The following CR1 variants were observed in gnomAD, a reference collection of about 807,000 sequenced individuals.
CR1 encodes the protein complement C3b/C4b receptor 1 (Knops blood group).
A neutral mutation model predicts 187.3 loss-of-function variants in CR1; 116 were observed. The observed-to-expected ratio is 0.62, with a 90% confidence interval of 0.53 to 0.72. CR1 has a LOEUF of 0.72. CR1 is among the 30% of genes least tolerant of loss of function. The pLI is 0.00. For missense variants in CR1, 1,731 were observed against 2,110.7 expected (o/e 0.82, Z 3.52); for synonymous variants, 576 against 747.1 (o/e 0.77, Z 3.73).
chr1:207,521,656 A>G (rs1659998269), intron 4 of CR1, among the ~76,000 whole-genome samples: 1 of 97,068 alleles, frequency 1.0e-5, no homozygotes, highest in Non-Finnish European at 1.9e-5. Context: ...TTTTTGAGAC[A>G]GGGTCTCACT....
intron 41 of CR1, among the ~76,000 whole-genome samples, 178 bp downstream of exon 41, chr1:207,616,980 G>T (rs902396011): frequency 2.6e-5 from 4 of 152,190 alleles, no homozygotes; most frequent in African/African-American, 9.7e-5. Flanking sequence ...TGTCTCAATT[G>T]TTGGTATTCT....
chr1:207,578,644 T>A (rs1393371124), intron 29 of CR1, among the ~76,000 whole-genome samples: 1 of 152,254 alleles, frequency 6.6e-6, no homozygotes, highest in Non-Finnish European at 1.5e-5. Flanking sequence ...TTAAATAAAT[T>A]AGCTAAGTCA....
Position 207,609,602 on chromosome 1 carries a change from A to G in CR1, c.6209A>G (p.Gln2070Arg). The part of the protein sequence containing the change: ...TLTEIIRFRC[Q>R]PGFVMVGSHT... ...ACTGAGATCATCAGATTTAGATGTC[A>G]GCCCGGGTTTGTCATGGTAGGGTCC... The change falls in exon 37 of 47, where the codon CAG (glutamine) becomes CGG (arginine). Residue 2070 changes from glutamine to arginine, a missense_variant. Coordinates refer to ENST00000367049, the MANE Select transcript of CR1 (RefSeq NM_000651.6). The G allele has an allele frequency of 6.2e-7, 1 of 1,613,044 alleles. No individual in the cohort carries two copies. The highest frequency in any genetic ancestry group is 8.5e-7 in the Non-Finnish European group (1 of 1,179,484).
At chr1:207,596,783 G>A (rs1031486926) in intron 35 of CR1, among the ~76,000 whole-genome samples, 2 of 147,302 alleles carry the variant, frequency 1.4e-5, no homozygotes, top group East Asian at 3.9e-4. Flanking sequence ...GGTTTCATAA[G>A]TATATATATA....
intron 36 of CR1, among the ~76,000 whole-genome samples, chr1:207,608,164 C>A (rs1661806748): frequency 6.6e-6 from 1 of 152,130 alleles, no homozygotes; most frequent in African/African-American, 2.4e-5. Flanking sequence ...CCTAAATGTT[C>A]AGCATGGTTT....
chr1:207,618,280 T>A (rs755227376), intron 42 of CR1, 33 bp downstream of exon 42: 2 of 1,593,794 alleles, frequency 1.3e-6, no homozygotes, highest in East Asian at 4.5e-5. Context: ...TTATTCTTGC[T>A]GGGTTGTATG....
chr1:207,510,362 G>C (rs1470297808), intron 3 of CR1, among the ~76,000 whole-genome samples: 2 of 152,112 alleles, frequency 1.3e-5, no homozygotes, highest in Non-Finnish European at 2.9e-5. Context: ...ATCTTCATTT[G>C]TCACTGTTTT....
At chr1:207,590,641 C>T (rs888466101) in intron 35 of CR1, among the ~76,000 whole-genome samples, 19 of 152,218 alleles carry the variant, frequency 1.2e-4, no homozygotes, top group African/African-American at 3.4e-4. Context: ...TGGCTAAATG[C>T]CCCCAGTTAA....
chr1:207,607,586 T>C (rs1661789646), intron 36 of CR1, among the ~76,000 whole-genome samples: 1 of 152,066 alleles, frequency 6.6e-6, no homozygotes, highest in Admixed American at 6.6e-5. Flanking sequence ...GTATAGAGAG[T>C]GTTGTCCTTA....
intron 33 of CR1, among the ~76,000 whole-genome samples, chr1:207,586,326 G>A (rs1001189558): frequency 6.6e-5 from 10 of 152,222 alleles, no homozygotes; most frequent in South Asian, 6.2e-4. Context: ...TATGTAGACC[G>A]GTTTTCATCA....
At chr1:207,588,492 C>G (rs1661176566) in intron 34 of CR1, among the ~76,000 whole-genome samples, 183 bp from the exon 35 acceptor site, 1 of 152,270 alleles carries the variant, frequency 6.6e-6, no homozygotes, top group Admixed American at 6.5e-5. Flanking sequence ...GCAAGATAGT[C>G]TTTTTCAAAG....
rs369023282 is a variant in CR1 at position 207,611,706 on chromosome 1, G to A, written c.6325G>A (p.Gly2109Ser). The A allele has an allele frequency of 8.1e-5, 131 of 1,613,784 alleles. No individual in the cohort carries two copies. The highest frequency in any genetic ancestry group is 1.1e-4 in the Non-Finnish European group (124 of 1,179,858). ...VCQPPPEILH[G>S]EHTLSHQDNF... Reference sequence around the variant, plus strand: ...TCAGCCGCCTCCAGAAATCCTGCATGGTGAGCATACCCTAAGCCATCAGGA... The same window carrying A: ...TCAGCCGCCTCCAGAAATCCTGCATAGTGAGCATACCCTAAGCCATCAGGA... Residue 2109 changes from glycine (G) to serine (S), a missense_variant, in exon 38 of 47, where the codon GGT (glycine) becomes AGT (serine). Coordinates refer to ENST00000367049, the MANE Select transcript of CR1 (RefSeq NM_000651.6).
chr1:207,507,034 T>G, intron 3 of CR1: 1 of 459,878 alleles, frequency 2.2e-6, no homozygotes. Context: ...AGAGCATATA[T>G]GAAAAGTGTG....
At chr1:207,496,499 A>AGGCAGCGCGATG (rs1216257076) in intron 1 of CR1, 111 bp downstream of exon 1, 2 of 1,166,084 alleles carry the variant, frequency 1.7e-6, no homozygotes, top group Non-Finnish European at 2.3e-6. Flanking sequence ...CCGGGTCCGA[A>AGGCAGCGCGATG]GGCAGCGCGA....
intron 35 of CR1, among the ~76,000 whole-genome samples, chr1:207,597,747 A>G (rs1364373629): frequency 6.6e-6 from 1 of 152,234 alleles, no homozygotes; most frequent in East Asian, 1.9e-4. Context: ...GCTCCTAGGC[A>G]TATACCTAAA....
At chr1:207,573,087 G>A (rs1351547585) in intron 27 of CR1, among the ~76,000 whole-genome samples, 1 of 152,000 alleles carries the variant, frequency 6.6e-6, no homozygotes, top group Non-Finnish European at 1.5e-5. Context: ...CATACTTGGG[G>A]GGAGACACAA....
At chr1:207,634,429 A>G (rs987196188) in intron 46 of CR1, among the ~76,000 whole-genome samples, 2 of 152,200 alleles carry the variant, frequency 1.3e-5, no homozygotes, top group African/African-American at 4.8e-5. Flanking sequence ...GTGAGTTAGA[A>G]TCTGTGCCAA....
chr1:207,508,580 A>G (rs1050448715), intron 3 of CR1, among the ~76,000 whole-genome samples: 5 of 152,248 alleles, frequency 3.3e-5, no homozygotes, highest in Non-Finnish European at 7.3e-5. Flanking sequence ...TCTGTGGATT[A>G]TAACTGTTTC....
intron 27 of CR1, among the ~76,000 whole-genome samples, chr1:207,575,286 T>C (rs1383108797): frequency 6.6e-6 from 1 of 151,672 alleles, no homozygotes; most frequent in African/African-American, 2.4e-5. Flanking sequence ...TAGAGAAAGA[T>C]AGAATTTAAG....
Sources: gnomAD v4.1 joint callset for allele counts (sites outside exome capture counted in the v4.1 genomes callset) on GRCh38, gnomAD v4.1.1 for gene constraint, MANE v1.5 for transcripts, NCBI Gene and HGNC (gene_info 2026-07-23, HGNC 2026-07-21) for gene names.